MAP1A: variants seen among roughly 807,000 people sequenced by gnomAD.
MAP1A encodes microtubule associated protein 1A.
Under a neutral mutation model 185.9 loss-of-function variants are expected in MAP1A, and 42 were observed. The observed-to-expected ratio is 0.23, with a 90% CI of 0.18 to 0.29. MAP1A has a LOEUF of 0.29. MAP1A is among the 10% of genes least tolerant of loss of function. The pLI, the probability that MAP1A is intolerant of heterozygous loss-of-function variation, is 1.00. For synonymous variants in MAP1A, 1,229 were observed against 1,335.9 expected, an observed-to-expected ratio of 0.92 and a Z score of 1.74; for missense variants, 2,995 against 3,450.4, an observed-to-expected ratio of 0.87 and a Z score of 3.31.
chr15:43,527,434 G>T lies in MAP1A; in HGVS notation c.5961G>T (p.Glu1987Asp). ...TTGGCCCTGCATGCCCCACTAGAGA[G>T]CCTCCACTTGGAGCAGCTGGGGATT... ...TGLGPACPTR[E>D]PPLGAAGDWP... Residue 1987 changes from glutamate to aspartate, a missense_variant, in exon 4 of 6, where the codon GAG becomes GAT. Glu to Asp is a conservative substitution (Grantham distance 45). Around this residue, in one of 3 missense-constraint regions of MAP1A, gnomAD observed 2,728 missense variants for 2,986.0 expected, o/e 0.91. Transcript: ENST00000300231. 1 of 1,614,146 alleles carries T rather than the reference G, an allele frequency of 6.2e-7. No homozygotes were observed. Among genetic ancestry groups the T allele is most frequent in the Non-Finnish European group, 8.5e-7 (1 of 1,180,010 alleles).
Position 43,524,519 on chromosome 15 carries a change from G to A in MAP1A, c.3046G>A (p.Glu1016Lys). ...THTPFHQSPV[E>K]EKSEPQDFQE... is the part of the protein sequence containing the mutation. ...CACACCCTTTCATCAGTCCCCAGTG[G>A]AAGAAAAGTCTGAGCCCCAAGACTT... is the stretch of plus-strand genomic sequence containing the variant. The change falls in exon 4 of 6, where the codon GAA (glutamate) becomes AAA (lysine). Residue 1016 changes from glutamate to lysine, a missense_variant. Physicochemically the swap from Glu to Lys is moderately conservative, Grantham distance 56. This residue lies in a region of MAP1A where 2,728 missense variants were observed against 2,986.0 expected (regional missense o/e 0.91). Coordinates refer to ENST00000300231, the MANE Select transcript of MAP1A (RefSeq NM_002373.6). The A allele has an allele frequency of 6.2e-7, 1 of 1,614,122 alleles. No individual in the cohort carries two copies. The highest frequency in any genetic ancestry group is 8.5e-7 in the Non-Finnish European group (1 of 1,180,030).
chr15:43,525,278 G>A lies in MAP1A; in HGVS notation c.3805G>A (p.Gly1269Arg), dbSNP rs1285991111. 10 of 1,614,030 alleles carry A rather than the reference G, an allele frequency of 6.2e-6. No homozygotes were observed. In the Admixed American group the frequency reaches 1.5e-4, roughly 24 times the overall value. The change falls in exon 4 of 6, where the codon GGG becomes AGG. Residue 1269 changes from glycine (G) to arginine (R), a missense_variant. By Grantham distance (125) the Gly-to-Arg change is moderately radical. Around this residue, in one of 3 missense-constraint regions of MAP1A, gnomAD observed 2,728 missense variants for 2,986.0 expected, o/e 0.91. Coordinates refer to ENST00000300231, the MANE Select transcript of MAP1A (RefSeq NM_002373.6). ...HAATASPPTD[G>R]TTRYSAQTDI... is the part of the protein sequence containing the mutation. ...AGCCACAGCGTCACCTCCCACAGAT[G>A]GGACAACTCGATACTCTGCACAGAC...
exon 2 of MAP1A, chr15:43,512,259 G>A (rs755379392): frequency 1.2e-5 from 18 of 1,548,432 alleles, no homozygotes; most frequent in African/African-American, 6.9e-5. Flanking sequence ...TTCATTACCC[G>A]GCACCTAGCT....
chr15:43,525,187 G>A lies in MAP1A; in HGVS notation c.3714G>A (p.Gly1238=). 6.2e-7 allele frequency: 1 copy of A among 1,614,116 alleles called. No individual in the cohort carries two copies. The highest frequency in any genetic ancestry group is 8.5e-7 in the Non-Finnish European group (1 of 1,180,030). ...GELNLGKEEM[G]HLMQAEDTSH... is the part of the protein sequence containing the mutation. Reference sequence around the variant, plus strand: ...TAAACCTTGGGAAGGAAGAAATGGGGCATCTGATGCAGGCCGAGGATACCT... The same window carrying A: ...TAAACCTTGGGAAGGAAGAAATGGGACATCTGATGCAGGCCGAGGATACCT... Residue 1238 remains glycine, a synonymous_variant, in exon 4 of 6, where the codon GGG becomes GGA. Coordinates refer to ENST00000300231, the MANE Select transcript of MAP1A (RefSeq NM_002373.6).
Position 43,528,255 on chromosome 15 carries a change from C to G in MAP1A, c.6782C>G (p.Ser2261Cys), listed in dbSNP as rs1421763096. The G allele has an allele frequency of 1.2e-6, 2 of 1,614,126 alleles. No individual in the cohort carries two copies. The highest frequency in any genetic ancestry group is 1.7e-6 in the Non-Finnish European group (2 of 1,180,034). Residue 2261 changes from serine (S) to cysteine (C), a missense_variant, in exon 4 of 6, where the codon TCT (serine) becomes TGT (cysteine). Around this residue, in one of 3 missense-constraint regions of MAP1A, gnomAD observed 2,728 missense variants for 2,986.0 expected, o/e 0.91. Transcript: ENST00000300231. ...CCAGCCCTGTCTGAGGGCTCCTCCT[C>G]TGAGGCTACCACGCCTGTGATTTCA... Reference protein sequence around the residue: ...ASPALSEGSSSEATTPVISSV... With the variant: ...ASPALSEGSSCEATTPVISSV...
At position 43,521,207 on chromosome 15, in the gene MAP1A, C is replaced by G; in HGVS notation, c.-151+95C>G. The G allele has an allele frequency of 6.8e-7, 1 of 1,472,440 alleles. No individual in the cohort carries two copies. The highest frequency in any genetic ancestry group is 2.4e-5 in the Admixed American group (1 of 42,044). The allele number at this position is 1,472,440 out of a possible 1,614,324, so 91.2% of individuals were successfully genotyped here. A position where few individuals can be genotyped will look rare whatever the true frequency, so the allele number is the denominator to read the frequency against. On this transcript the variant is annotated intron_variant, in intron 3 of 5. Transcript: ENST00000300231. The surrounding 1 kb of genome is among the most constrained non-coding windows in gnomAD (Gnocchi z 4.6). ...TCTCATATTGCATGACCATGGGGGG[C>G]CCTGGCAGAAAGGTAAGAGTCCACC...
chr15:43,514,284 G>T (rs1406967633), upstream of MAP1A, among the ~76,000 whole-genome samples: 1 of 152,186 alleles, frequency 6.6e-6, no homozygotes, highest in East Asian at 1.9e-4. Context: ...GAATAGTAGA[G>T]AATTTCCTGG....
Position 43,528,567 on chromosome 15 carries a change from C to T in MAP1A, c.7094C>T (p.Thr2365Ile). 6.2e-7 allele frequency: 1 copy of T among 1,613,784 alleles called. No individual in the cohort carries two copies. Among genetic ancestry groups the T allele is most frequent in the Non-Finnish European group, 8.5e-7 (1 of 1,179,980 alleles). Residue 2365 changes from threonine (T) to isoleucine (I), a missense_variant, in exon 4 of 6, where the codon ACC (threonine) becomes ATC (isoleucine). Thr to Ile is a moderately conservative substitution (Grantham distance 89, BLOSUM62 -1). This residue lies in a region of MAP1A where 2,728 missense variants were observed against 2,986.0 expected (regional missense o/e 0.91). Coordinates refer to ENST00000300231, the MANE Select transcript of MAP1A (RefSeq NM_002373.6). Reference sequence around the variant, plus strand: ...TGTGCAGCCAATGGCCCAACTGAAACCAGCCCTAACCCCCCAGGCCCTGCC... The same window carrying T: ...TGTGCAGCCAATGGCCCAACTGAAATCAGCCCTAACCCCCCAGGCCCTGCC... ...EDCAANGPTE[T>I]SPNPPGPAPA...
Position 43,526,938 on chromosome 15 carries a change from A to G in MAP1A, c.5465A>G (p.Asp1822Gly). 4.3e-6 allele frequency: 7 copies of G among 1,613,760 alleles called. No individual in the cohort carries two copies. Among genetic ancestry groups the G allele is most frequent in the Non-Finnish European group, 5.9e-6 (7 of 1,179,838 alleles). Residue 1822 changes from aspartate to glycine, a missense_variant, in exon 4 of 6, where the codon GAC becomes GGC. By Grantham distance (94) the Asp-to-Gly change is moderately conservative (BLOSUM62 -1). Around this residue, in one of 3 missense-constraint regions of MAP1A, gnomAD observed 2,728 missense variants for 2,986.0 expected, o/e 0.91. Transcript: ENST00000300231. This position sits in a 1 kb window ranked among gnomAD's most constrained non-coding sequence, Gnocchi z 4.7. ...CCAGGACAAGAGAGTCCTATCCCAG[A>G]CCCTAAGCTCATGCCACACATGAAG... ...SAPGQESPIP[D>G]PKLMPHMKNE...
In MAP1A at chr15:43,512,160, T is replaced by G. The variant is rs36206805; in HGVS notation, c.239-30T>G. ...CACCACCCTACAACCTGCAACCTTA[T>G]CCAGAACCTTCTTTGTTTTTCTCCC... is the stretch of plus-strand genomic sequence containing the variant. On this transcript the variant is annotated intron_variant, in intron 1 of 6. Transcript: ENST00000382031. The G allele has an allele frequency of 8.9e-4, 1,206 of 1,355,148 alleles. 11 individuals are homozygous for G. The African/African-American group carries it at 0.016, about 18-fold the overall frequency. 83.9% of individuals were successfully genotyped at this position (1,355,148 alleles called of 1,614,324 possible). A position where few individuals can be genotyped will look rare whatever the true frequency, so the allele number is the denominator to read the frequency against.
In MAP1A at chr15:43,527,200, C is replaced by T. The variant is rs1322644172; in HGVS notation, c.5727C>T (p.Tyr1909=). ...CATACTCCCCCCTGGGGAAGGACTA[C>T]CGCAAGGCTGAAGGGGAAAGGGAAG... The part of the protein sequence containing the change: ...GGPYSPLGKD[Y]RKAEGEREEE... The change falls in exon 4 of 6, where the codon TAC becomes TAT. Residue 1909 remains tyrosine, a synonymous_variant. Transcript: ENST00000300231. 3.1e-6 allele frequency: 5 copies of T among 1,613,904 alleles called. No homozygotes were observed. The highest frequency in any genetic ancestry group is 4.2e-6 in the Non-Finnish European group (5 of 1,179,998).
chr15:43,517,192 C>G (rs1439302425), upstream of MAP1A, among the ~76,000 whole-genome samples: 1 of 152,090 alleles, frequency 6.6e-6, no homozygotes, highest in African/African-American at 2.4e-5. Flanking sequence ...GGCCCCCAGC[C>G]TTTGTCTCCT....
chr15:43,517,219 A>C (rs1341095663), upstream of MAP1A, among the ~76,000 whole-genome samples: 1 of 152,118 alleles, frequency 6.6e-6, no homozygotes, highest in Admixed American at 6.5e-5. Flanking sequence ...CCAGGGACTG[A>C]AGGTCACTCC....
Position 43,524,420 on chromosome 15 carries a change from C to A in MAP1A, c.2947C>A (p.Arg983=). The A allele has an allele frequency of 6.2e-7, 1 of 1,614,172 alleles. No homozygotes were observed. The highest frequency in any genetic ancestry group is 8.5e-7 in the Non-Finnish European group (1 of 1,180,020). Residue 983 remains arginine, a synonymous_variant, in exon 4 of 6, where the codon CGG becomes AGG. Transcript: ENST00000300231. ...GEPALGEAEE[R]CLSPDDSTVK... is the part of the protein sequence containing the mutation. ...ACCAGCCCTTGGAGAAGCAGAGGAG[C>A]GGTGCCTTAGCCCAGATGACAGCAC...
At chr15:43,511,616 T>G (rs1020384627) in intron 1 of MAP1A, among the ~76,000 whole-genome samples, 2 of 152,200 alleles carry the variant, frequency 1.3e-5, no homozygotes, top group Non-Finnish European at 1.5e-5. Flanking sequence ...ACGGGGAGCT[T>G]TCTGAACGCC....
chr15:43,520,662 A>AAACTCTAG lies in MAP1A; in HGVS notation c.-353_-352insAACTCTAG, dbSNP rs1383888801. 4.5e-6 allele frequency: 7 copies of AAACTCTAG among 1,549,226 alleles called. No homozygotes were observed. Among genetic ancestry groups the AAACTCTAG allele is most frequent in the Non-Finnish European group, 6.1e-6 (7 of 1,145,720 alleles). On this transcript the variant is annotated 5_prime_UTR_variant, in exon 2 of 6. An upstream open reading frame in the 5' UTR gains an earlier in-frame stop. Transcript: ENST00000300231. ...TCAGGCCAGAGGACCCTTTGCCACC[A>AAACTCTAG]GAGTGAGATCCTAGAGACCATCATC...
chr15:43,513,697 G>T (rs778159540), upstream of MAP1A, among the ~76,000 whole-genome samples: 3 of 152,214 alleles, frequency 2.0e-5, no homozygotes, highest in Non-Finnish European at 4.4e-5. Flanking sequence ...ACATCTTCCT[G>T]ATGTGACTGG....
rs1454558655 is a variant in MAP1A, at chr15:43,521,153, T to G, written c.-151+41T>G. On this transcript the variant is annotated intron_variant, in intron 3 of 5. Transcript: ENST00000300231. This position sits in a 1 kb window ranked among gnomAD's most constrained non-coding sequence, Gnocchi z 4.6. ...GAGTGTCTGGGAGAAAGGGTAGCACTAGAGCTGTGGGAGGGATCTAAGGGA... is the reference window on the plus strand; with the variant it reads ...GAGTGTCTGGGAGAAAGGGTAGCACGAGAGCTGTGGGAGGGATCTAAGGGA... The G allele has an allele frequency of 6.6e-7, 1 of 1,526,432 alleles. No individual in the cohort carries two copies. Among genetic ancestry groups the G allele is most frequent in the African/African-American group, 1.4e-5 (1 of 72,316 alleles). The allele number at this position is 1,526,432 out of a possible 1,614,324, so 94.6% of individuals were successfully genotyped here.
Position 43,524,939 on chromosome 15 carries a change from C to G in MAP1A, c.3466C>G (p.Leu1156Val). 6.2e-7 allele frequency: 1 copy of G among 1,614,152 alleles called. No individual in the cohort carries two copies. The highest frequency in any genetic ancestry group is 8.5e-7 in the Non-Finnish European group (1 of 1,180,026). ...TGAAGATGCAGAATCCCTCTCTGTC[C>G]TCAGCGTGCCCTCCCCAGACACTGC... ...SPEDAESLSV[L>V]SVPSPDTANQ... Residue 1156 changes from leucine (L) to valine (V), a missense_variant, in exon 4 of 6, where the codon CTC becomes GTC. By Grantham distance (32) the Leu-to-Val change is conservative (BLOSUM62 1). This residue lies in a region of MAP1A where 2,728 missense variants were observed against 2,986.0 expected (regional missense o/e 0.91). Coordinates refer to ENST00000300231, the MANE Select transcript of MAP1A (RefSeq NM_002373.6).
Sources: gnomAD v4.1 joint callset for allele counts (sites outside exome capture counted in the v4.1 genomes callset) on GRCh38, gnomAD v4.1.1 for gene constraint, gnomAD v4.1.1 regional missense constraint, Gnocchi (gnomAD v3.1) non-coding constraint, MANE v1.5 for transcripts, NCBI Gene and HGNC (gene_info 2026-07-23, HGNC 2026-07-21) for gene names.